The following CSNK2A2 variants were observed in gnomAD, a reference collection of about 807,000 sequenced individuals.
The protein encoded by CSNK2A2 is casein kinase 2 alpha 2.
CSNK2A2 carries 8 observed loss-of-function variants against 54.0 expected under a neutral mutation model. That is an observed-to-expected ratio of 0.15 (90% confidence interval 0.09 to 0.27). CSNK2A2 has a LOEUF of 0.27. Ranked by LOEUF, CSNK2A2 falls within the 10% of genes least tolerant of loss-of-function variation. The probability of loss-of-function intolerance (pLI) is 1.00; values close to 1 mark genes in which losing one functional copy is unlikely to be tolerated. For missense variants in CSNK2A2, 242 were observed against 439.4 expected, an observed-to-expected ratio of 0.55 and a Z score of 4.02; for synonymous variants, 141 against 153.9, an observed-to-expected ratio of 0.92 and a Z score of 0.62.
intron 11 of CSNK2A2, chr16:58,160,737 C>T (rs975006990): frequency 3.3e-5 from 5 of 152,262 alleles, no homozygotes; most frequent in African/African-American, 1.2e-4. Context: ...TCAAGAGCTA[C>T]CTTTAGATGG....
At chr16:58,178,707 T>A (rs1961946149) in intron 4 of CSNK2A2, among the ~76,000 whole-genome samples, 1 of 152,194 alleles carries the variant, frequency 6.6e-6, no homozygotes, top group African/African-American at 2.4e-5. Context: ...AGTTTTGGCA[T>A]ATATGAAGCA....
chr16:58,183,483 CCT>C (rs1307171616), intron 4 of CSNK2A2, among the ~76,000 whole-genome samples: 1 of 152,096 alleles, frequency 6.6e-6, no homozygotes, highest in Admixed American at 6.6e-5. Context: ...GTCTCTAGCT[CCT>C]GTCACAACAA....
At chr16:58,167,911 G>GGCTTAAAAAT in intron 6 of CSNK2A2, 116 bp from the exon 7 acceptor site, 1 of 755,522 alleles carries the variant, frequency 1.3e-6, no homozygotes, top group Non-Finnish European at 2.3e-6. Flanking sequence ...AATGTGAGCA[G>GGCTTAAAAAT]GTGCACTGGC....
intron 11 of CSNK2A2, chr16:58,159,810 C>G (rs950829168): frequency 6.6e-6 from 1 of 152,198 alleles, no homozygotes; most frequent in Non-Finnish European, 1.5e-5. Flanking sequence ...AAGTTTTCCA[C>G]TAGTTGTCAA....
intron 5 of CSNK2A2, chr16:58,174,165 G>C (rs935493280): frequency 3.8e-6 from 1 of 262,008 alleles, no homozygotes; most frequent in African/African-American, 2.2e-5. Context: ...TTCACAGTAG[G>C]TATTAATAAA....
At chr16:58,174,797 A>G (rs547507762) in intron 4 of CSNK2A2, among the ~76,000 whole-genome samples, 2 of 152,352 alleles carry the variant, frequency 1.3e-5, no homozygotes, top group African/African-American at 4.8e-5. Flanking sequence ...AATTACAATT[A>G]TTAACCACAA....
At chr16:58,186,930 CCAAT>C in intron 2 of CSNK2A2, 74 bp from the exon 3 acceptor site, 1 of 1,160,178 alleles carries the variant, frequency 8.6e-7, no homozygotes, top group Non-Finnish European at 1.3e-6. Flanking sequence ...ACAATGTTAG[CCAAT>C]CAGATGGATA....
Position 58,164,162 on chromosome 16 carries a change from G to T in CSNK2A2, c.977-15C>A. On this transcript the variant is annotated splice_polypyrimidine_tract_variant and intron_variant, in intron 10 of 11. Transcript: ENST00000262506. ...CACCACAGGGTCTGCAAGAAAGCAGGAGGAAAGTCAGGCAATCAGGGTGGT... is the reference window on the plus strand; with the variant it reads ...CACCACAGGGTCTGCAAGAAAGCAGTAGGAAAGTCAGGCAATCAGGGTGGT... 1 of 1,613,486 alleles carries T rather than the reference G, an allele frequency of 6.2e-7. No homozygotes were observed. Among genetic ancestry groups the T allele is most frequent in the Non-Finnish European group, 8.5e-7 (1 of 1,179,628 alleles).
At chr16:58,166,936 A>G (rs1961579791) in intron 8 of CSNK2A2, among the ~76,000 whole-genome samples, 1 of 152,232 alleles carries the variant, frequency 6.6e-6, no homozygotes, top group South Asian at 2.1e-4. Flanking sequence ...AGGGCATCAC[A>G]ATCTAATGAC....
chr16:58,195,910 C>T (rs2142457348), intron 2 of CSNK2A2, among the ~76,000 whole-genome samples: 1 of 152,320 alleles, frequency 6.6e-6, no homozygotes, highest in Non-Finnish European at 1.5e-5. Context: ...AACAAGGCTT[C>T]TCAGCACTAC....
chr16:58,161,462 G>A (rs957175130), intron 11 of CSNK2A2: 4 of 151,988 alleles, frequency 2.6e-5, no homozygotes, highest in African/African-American at 9.7e-5. Flanking sequence ...GAAAGAATAT[G>A]CTAACTGAAA....
chr16:58,158,575 C>G (rs566865225), intron 11 of CSNK2A2, among the ~76,000 whole-genome samples: 36 of 152,370 alleles, frequency 2.4e-4, no homozygotes, highest in Middle Eastern at 3.4e-3. Context: ...GCACGGCCTT[C>G]TGTCACAGGA....
At chr16:58,195,571 G>A (rs1017805309) in intron 2 of CSNK2A2, among the ~76,000 whole-genome samples, 5 of 152,046 alleles carry the variant, frequency 3.3e-5, no homozygotes, top group African/African-American at 1.2e-4. Flanking sequence ...ATCACTCTTC[G>A]GTCTTCTCAA....
At chr16:58,185,002 T>A (rs1013039650) in intron 3 of CSNK2A2, among the ~76,000 whole-genome samples, 50 of 152,322 alleles carry the variant, frequency 3.3e-4, no homozygotes, top group African/African-American at 1.2e-3. Context: ...AGCACTATAA[T>A]CTTTAATCCA....
intron 4 of CSNK2A2, among the ~76,000 whole-genome samples, chr16:58,175,027 G>A (rs1961839796): frequency 6.6e-6 from 1 of 152,218 alleles, no homozygotes; most frequent in South Asian, 2.1e-4. Flanking sequence ...AGCATTTGCA[G>A]ATGGCAAGAG....
chr16:58,160,818 C>T (rs908319715), intron 11 of CSNK2A2: 4 of 152,268 alleles, frequency 2.6e-5, no homozygotes, highest in African/African-American at 4.8e-5. Context: ...CCAAGGATTA[C>T]GAGTTTGTCT....
chr16:58,196,592 CAGAGTGA>C (rs1200438388), intron 2 of CSNK2A2, 134 bp downstream of exon 2: 1 of 655,430 alleles, frequency 1.5e-6, no homozygotes, highest in Non-Finnish European at 2.8e-6. Context: ...GCCTGGGTGA[CAGAGTGA>C]GACTCTGACT....
chr16:58,166,564 T>C lies in CSNK2A2; in HGVS notation c.827+20A>G. 1 of 1,460,292 alleles carries C rather than the reference T, an allele frequency of 6.8e-7. No homozygotes were observed. The highest frequency in any genetic ancestry group is 9.5e-7 in the Non-Finnish European group (1 of 1,050,286). 90.5% of individuals were successfully genotyped at this position (1,460,292 alleles called of 1,614,324 possible). Reference sequence around the variant, plus strand: ...TGAAACGGGGTAAGGTAAAGCACTCTCTCTCTCTCTCTTACTTACTGTCCC... The same window carrying C: ...TGAAACGGGGTAAGGTAAAGCACTCCCTCTCTCTCTCTTACTTACTGTCCC... On this transcript the variant is annotated intron_variant, in intron 9 of 11. Transcript: ENST00000262506.
At chr16:58,180,065 C>A (rs866413759) in intron 4 of CSNK2A2, among the ~76,000 whole-genome samples, 2 of 127,918 alleles carry the variant, frequency 1.6e-5, no homozygotes, top group Middle Eastern at 4.2e-3. Context: ...GGCAACAGAG[C>A]GAGACTCCTT....
Sources: gnomAD v4.1 joint callset for allele counts (sites outside exome capture counted in the v4.1 genomes callset) on GRCh38, gnomAD v4.1.1 for gene constraint, MANE v1.5 for transcripts, NCBI Gene and HGNC (gene_info 2026-07-23, HGNC 2026-07-21) for gene names.